PHF19: variants seen among roughly 807,000 people sequenced by gnomAD.
PHF19 encodes the protein polycomb like 3.
PHF19 carries 21 observed loss-of-function variants against 79.8 expected under a neutral mutation model. That is an observed-to-expected ratio of 0.26 (90% CI 0.19 to 0.38). The LOEUF is 0.38. Ranked by LOEUF, PHF19 falls within the 10% of genes least tolerant of loss-of-function variation. PHF19 has a pLI of 1.00. For synonymous variants in PHF19, 273 were observed against 296.3 expected (o/e 0.92, Z 0.81); for missense variants, 445 against 744.2 (o/e 0.60, Z 4.68).
At chr9:120,872,037 C>CAAAAAAAAAAAAAAAAAAAAAAAA (rs1170243737) in intron 3 of PHF19, among the ~76,000 whole-genome samples, 3 of 30,318 alleles carry the variant, frequency 9.9e-5, no homozygotes, top group Admixed American at 6.0e-4. Context: ...GACTCTGTCT[C>CAAAAAAAAAAAAAAAAAAAAAAAA]AAAAAAAAAA....
chr9:120,900,625 G>T, the PHF19 span, among the ~76,000 whole-genome samples: 1 of 152,156 alleles, frequency 6.6e-6, no homozygotes, highest in African/African-American at 2.4e-5. Flanking sequence ...GAAGTGCAAT[G>T]ATGTGATCAC....
upstream of PHF19, among the ~76,000 whole-genome samples, chr9:120,895,852 C>T (rs971942913): frequency 6.6e-6 from 1 of 152,142 alleles, no homozygotes; most frequent in Admixed American, 6.5e-5. Flanking sequence ...GGGGTTTCAC[C>T]ACGTTGGCCA....
upstream of PHF19, chr9:120,877,376 GC>G: frequency 1.0e-6 from 1 of 980,242 alleles, no homozygotes; most frequent in Non-Finnish European, 1.2e-6. Flanking sequence ...ATTAGCGGGG[GC>G]CGCGCCGGCC....
chr9:120,899,562 C>T (rs578214863), upstream of PHF19, among the ~76,000 whole-genome samples: 3 of 152,028 alleles, frequency 2.0e-5, no homozygotes, highest in East Asian at 5.8e-4. Context: ...GTGGACAAAG[C>T]AAGTGGCTTC....
At chr9:120,893,779 C>T (rs765633335) in intron 1 of PHF19, among the ~76,000 whole-genome samples, 4 of 152,168 alleles carry the variant, frequency 2.6e-5, no homozygotes, top group Admixed American at 6.5e-5. Flanking sequence ...AATACTGTTA[C>T]GAGGGAGAAA....
the PHF19 span, chr9:120,903,061 G>C: frequency 6.6e-6 from 1 of 152,224 alleles, no homozygotes; most frequent in East Asian, 1.9e-4. Context: ...TAGGGATCAA[G>C]AGGTTATTGC....
At chr9:120,886,865 C>T (rs957927956) in intron 1 of PHF19, among the ~76,000 whole-genome samples, 3 of 152,124 alleles carry the variant, frequency 2.0e-5, no homozygotes, top group South Asian at 2.1e-4. Context: ...AAAATTCCCT[C>T]GAGACCAGCC....
At chr9:120,865,589 G>T in intron 9 of PHF19, 121 bp downstream of exon 9, 1 of 1,260,570 alleles carries the variant, frequency 7.9e-7, no homozygotes, top group Non-Finnish European at 1.1e-6. Context: ...TCAGAGGCCT[G>T]GACTCAGGGA....
At chr9:120,900,277 G>A in the PHF19 span, among the ~76,000 whole-genome samples, 5 of 152,176 alleles carry the variant, frequency 3.3e-5, no homozygotes, top group Admixed American at 1.3e-4. Flanking sequence ...GTGAGCCACC[G>A]CACCCGGCCT....
chr9:120,880,913 T>C (rs1182418442), upstream of PHF19, among the ~76,000 whole-genome samples: 5 of 152,084 alleles, frequency 3.3e-5, no homozygotes, highest in Non-Finnish European at 1.5e-5. Context: ...TAAGCCATGA[T>C]TGTGCCACTG....
the PHF19 span, chr9:120,902,831 T>C: frequency 6.6e-6 from 1 of 152,208 alleles, no homozygotes. Flanking sequence ...GTTTCTTGAG[T>C]CCAGAGTGCA....
In PHF19 at chr9:120,866,817, C is replaced by T. The variant is rs191258742; in HGVS notation, c.710+53G>A. 7.4e-5 allele frequency: 72 copies of T among 972,846 alleles called. No homozygotes were observed. The African/African-American group carries it at 1.0e-3, about 14-fold the overall frequency. 60.3% of individuals were successfully genotyped at this position (972,846 alleles called of 1,614,324 possible). ...ACCTGCAGGAGTTGTTGCTGCCATC[C>T]CTGCCCTCTCCCCACCACGCCCAAG... On this transcript the variant is annotated intron_variant, in intron 7 of 14. Coordinates refer to ENST00000373896, the MANE Select transcript of PHF19 (RefSeq NM_015651.3). The surrounding 1 kb of genome is among the most constrained non-coding windows in gnomAD (Gnocchi z 5.2).
Position 120,869,010 on chromosome 9 carries a change from G to T in PHF19, c.614+172C>A. 1 of 304,830 alleles carries T rather than the reference G, an allele frequency of 3.3e-6. No homozygotes were observed. The highest frequency in any genetic ancestry group is 3.4e-5 in the African/African-American group (1 of 29,252). 18.9% of individuals were successfully genotyped at this position (304,830 alleles called of 1,614,324 possible). On this transcript the variant is annotated intron_variant, in intron 6 of 14. Transcript: ENST00000373896. The surrounding 1 kb of genome is among the most constrained non-coding windows in gnomAD (Gnocchi z 5.8). ...CCCCCGAGGCCCCACCCCCGCGGCT[G>T]ACACTCCAGGCCCGCCCCTCGAGGC... is the stretch of plus-strand genomic sequence containing the variant.
At chr9:120,873,313 T>C (rs991627500) in intron 3 of PHF19, among the ~76,000 whole-genome samples, 2 of 152,304 alleles carry the variant, frequency 1.3e-5, no homozygotes, top group Non-Finnish European at 2.9e-5. Flanking sequence ...GTTGTGTGTA[T>C]GGGAAGGGAG....
Position 120,862,624 on chromosome 9 carries a change from G to A in PHF19, c.1094C>T (p.Ser365Phe), listed in dbSNP as rs1048399995. Residue 365 changes from serine (S) to phenylalanine (F), a missense_variant, in exon 11 of 15, where the codon TCC becomes TTC. Physicochemically the swap from Ser to Phe is radical, Grantham distance 155. This residue lies in a region of PHF19 where 83 missense variants were observed against 85.5 expected (regional missense o/e 0.97). Coordinates refer to ENST00000373896, the MANE Select transcript of PHF19 (RefSeq NM_015651.3). The surrounding 1 kb of genome is among the most constrained non-coding windows in gnomAD (Gnocchi z 4.6). ...CTTTCCTCTCTTACGCAGCTCAGAG[G>A]AGGCGCTGTTCTCATTTGGCAGCAG... ...KGLLPNENSA[S>F]SELRKRGKSK... 4 of 1,613,996 alleles carry A rather than the reference G, an allele frequency of 2.5e-6. No individual in the cohort carries two copies. The highest frequency in any genetic ancestry group is 1.3e-5 in the African/African-American group (1 of 74,936).
At chr9:120,878,915 G>A (rs1285156859), upstream of PHF19, among the ~76,000 whole-genome samples, 1 of 152,202 alleles carries the variant, frequency 6.6e-6, no homozygotes, top group Non-Finnish European at 1.5e-5. Context: ...GATGGGAGCA[G>A]AACACTCCCA....
chr9:120,859,988 G>C lies in PHF19; in HGVS notation c.1400+102C>G, dbSNP rs1207201137. On this transcript the variant is annotated intron_variant, in intron 14 of 14. Coordinates refer to ENST00000373896, the MANE Select transcript of PHF19 (RefSeq NM_015651.3). ...CCAGGTACTCCCCGCCAGAGACTGA[G>C]ACACATAGAATGAGCCACACATTAC... is the stretch of plus-strand genomic sequence containing the variant. The C allele has an allele frequency of 4.3e-6, 3 of 703,786 alleles. No homozygotes were observed. In the African/African-American group the frequency reaches 5.3e-5, roughly 12 times the overall value. The allele number at this position is 703,786 out of a possible 1,614,324, so 43.6% of individuals were successfully genotyped here.
chr9:120,871,683 A>G (rs900906028), intron 3 of PHF19, among the ~76,000 whole-genome samples: 1 of 152,170 alleles, frequency 6.6e-6, no homozygotes, highest in African/African-American at 2.4e-5. Context: ...TATACATTAA[A>G]CACATTTTGA....
intron 1 of PHF19, among the ~76,000 whole-genome samples, chr9:120,882,710 C>T (rs1009519282): frequency 2.6e-5 from 4 of 151,856 alleles, no homozygotes; most frequent in Non-Finnish European, 4.4e-5. Context: ...TGCATGGTGG[C>T]GGCCACCTGT....
Sources: gnomAD v4.1 joint callset for allele counts (sites outside exome capture counted in the v4.1 genomes callset) on GRCh38, gnomAD v4.1.1 for gene constraint, gnomAD v4.1.1 regional missense constraint, Gnocchi (gnomAD v3.1) non-coding constraint, MANE v1.5 for transcripts, NCBI Gene and HGNC (gene_info 2026-07-23, HGNC 2026-07-21) for gene names.